Variants in PRKCZ observed in about 807,000 individuals in gnomAD.
PRKCZ encodes the protein protein kinase C zeta, also known as protein kinase C zeta type.
In PRKCZ, 33 loss-of-function variants were observed where a neutral mutation model predicts 79.5. The ratio of observed to expected loss-of-function variants is 0.41; its 90% confidence interval spans 0.31 to 0.55. The LOEUF (loss-of-function observed/expected upper bound fraction) is 0.55. Among genes scored for constraint, PRKCZ ranks in the 20% least tolerant of loss-of-function variants. The pLI, the probability that PRKCZ is intolerant of heterozygous loss-of-function variation, is 0.19. For synonymous variants in PRKCZ, 342 were observed against 320.9 expected, an observed-to-expected ratio of 1.07 and a Z score of -0.70; for missense variants, 578 against 813.5, an observed-to-expected ratio of 0.71 and a Z score of 3.52.
chr1:2,061,658 G>A (rs1195543064), intron 4 of PRKCZ, among the ~76,000 whole-genome samples: 1 of 152,182 alleles, frequency 6.6e-6, no homozygotes, highest in Non-Finnish European at 1.5e-5. Context: ...GTCAGAGGCG[G>A]GTGCTGGGGG....
At position 2,091,533 on chromosome 1, in the gene PRKCZ, C is replaced by T. The variant is rs146154450; in HGVS notation, c.334+31942C>T. On this transcript the variant is annotated intron_variant, in intron 4 of 17. Coordinates refer to ENST00000378567, the MANE Select transcript of PRKCZ (RefSeq NM_002744.6). ...GTCTCGCCGTCCTCGCTGACACTCC[C>T]GACTTTCTGTTCCTGGCCGTCCTCT... Among the ~76,000 whole-genome samples the T allele has an allele frequency of 3.8e-3, 585 of 152,274 alleles. 3 individuals are homozygous for T. The highest frequency in any genetic ancestry group is 0.014 in the African/African-American group (566 of 41,552).
chr1:2,050,656 T>C lies in PRKCZ; in HGVS notation c.26T>C (p.Met9Thr), dbSNP rs1341708723. ...ATGCCCAGCAGGACCGGCCCCAAGA[T>C]GGAAGGGAGCGGCGGCCGCGTCCGC... is the stretch of plus-strand genomic sequence containing the variant. MPSRTGPK[M>T]EGSGGRVRLK... Residue 9 changes from methionine to threonine, a missense_variant, in exon 1 of 18, where the codon ATG becomes ACG. This residue lies in a region of PRKCZ where 228 missense variants were observed against 211.6 expected (regional missense o/e 1.08). Transcript: ENST00000378567. 8.2e-7 allele frequency: 1 copy of C among 1,215,742 alleles called. No homozygotes were observed. The highest frequency in any genetic ancestry group is 1.0e-6 in the Non-Finnish European group (1 of 978,160). The allele number at this position is 1,215,742 out of a possible 1,614,324, so 75.3% of individuals were successfully genotyped here.
intron 16 of PRKCZ, 42 bp from the exon 17 acceptor site, chr1:2,184,541 A>G: frequency 6.7e-7 from 1 of 1,489,288 alleles, no homozygotes; most frequent in Non-Finnish European, 9.3e-7. Flanking sequence ...GGTAGGGATG[A>G]TGCCCGCGCG....
At chr1:2,152,512 A>T (rs1462090144) in intron 9 of PRKCZ, among the ~76,000 whole-genome samples, 13 of 152,220 alleles carry the variant, frequency 8.5e-5, no homozygotes, top group Non-Finnish European at 2.9e-5. Context: ...AGTCTGGGCG[A>T]CCAAATGAGA....
rs149453905 is a variant in PRKCZ, at chr1:2,059,659, C to T, written c.334+68C>T. ...GTTGAACTGTTGATCCGTTGTGCCACGGAGGTGGCAGTGGTGCCGTTTTCG... is the reference window on the plus strand; with the variant it reads ...GTTGAACTGTTGATCCGTTGTGCCATGGAGGTGGCAGTGGTGCCGTTTTCG... On this transcript the variant is annotated intron_variant, in intron 4 of 17. Coordinates refer to ENST00000378567, the MANE Select transcript of PRKCZ (RefSeq NM_002744.6). 1.3e-4 allele frequency: 210 copies of T among 1,597,290 alleles called. No homozygotes were observed. The East Asian group carries it at 4.2e-3, about 32-fold the overall frequency.
At position 2,106,544 on chromosome 1, in the gene PRKCZ, ACACG is replaced by A. The variant is rs1445734400; in HGVS notation, c.335-28717_335-28714del. On this transcript the variant is annotated intron_variant, in intron 4 of 17. Coordinates refer to ENST00000378567, the MANE Select transcript of PRKCZ (RefSeq NM_002744.6). ...GCCCCTCTGGTGGGCGAGGACCTCC[ACACG>A]TGTCACCAGGCCAGGTAACTCTCAG... Among the ~76,000 whole-genome samples, 76 of 43,320 alleles carry A rather than the reference ACACG, an allele frequency of 1.8e-3. 11 individuals carry two copies. The highest frequency in any genetic ancestry group is 9.8e-3 in the East Asian group (15 of 1,528). 28.4% of individuals were successfully genotyped at this position (43,320 alleles called of 152,430 possible).
At chr1:2,146,833 C>T (rs1678642826) in intron 7 of PRKCZ, among the ~76,000 whole-genome samples, 1 of 152,032 alleles carries the variant, frequency 6.6e-6, no homozygotes, top group South Asian at 2.1e-4. Context: ...AACTGCCTGC[C>T]CACCTGCTCC....
chr1:2,110,868 G>A (rs151253846), intron 4 of PRKCZ, among the ~76,000 whole-genome samples: 2,450 of 152,188 alleles, frequency 0.016, 50 homozygotes, highest in African/African-American at 0.048. Flanking sequence ...GGACTCTGTG[G>A]GGCCAGGGTG....
intron 4 of PRKCZ, among the ~76,000 whole-genome samples, chr1:2,069,599 G>A (rs1222620299): frequency 6.6e-6 from 1 of 152,216 alleles, no homozygotes; most frequent in African/African-American, 2.4e-5. Context: ...TGGCAGGGAG[G>A]GAGATGTCAA....
At chr1:2,102,878 C>G (rs559314065) in intron 4 of PRKCZ, among the ~76,000 whole-genome samples, 6 of 151,768 alleles carry the variant, frequency 4.0e-5, no homozygotes, top group African/African-American at 1.2e-4. Context: ...GGCCCCTCCC[C>G]CCGTCTGTCT....
intron 10 of PRKCZ, among the ~76,000 whole-genome samples, chr1:2,166,735 C>T (rs903161533): frequency 2.6e-5 from 4 of 152,114 alleles, no homozygotes; most frequent in African/African-American, 7.2e-5. Context: ...GCACCTTCAG[C>T]CCCCCACCCC....
chr1:2,113,360 G>T (rs1163821333), intron 4 of PRKCZ, among the ~76,000 whole-genome samples: 3 of 152,206 alleles, frequency 2.0e-5, no homozygotes. Flanking sequence ...ATGTGCTCCT[G>T]CTGCTTCTAC....
rs1301497165 is a variant in PRKCZ, at chr1:2,106,608, GT to G, written c.335-28653del. On this transcript the variant is annotated intron_variant, in intron 4 of 17. Coordinates refer to ENST00000378567, the MANE Select transcript of PRKCZ (RefSeq NM_002744.6). The stretch of plus-strand genomic sequence containing the variant: ...CCAGTGGGCGAGGACCTCCACACGT[GT>G]CACCAGGCCAGGTAACTCTCAGCAA... 4.0e-4 allele frequency among the ~76,000 whole-genome samples: 20 copies of G among 49,782 alleles called. 1 individual carries two copies. Among genetic ancestry groups the G allele is most frequent in the South Asian group, 8.3e-4 (1 of 1,208 alleles). The allele number at this position is 49,782 out of a possible 152,430, so 32.7% of individuals were successfully genotyped here. A position where few individuals can be genotyped will look rare whatever the true frequency, so the allele number is the denominator to read the frequency against.
At chr1:2,162,398 C>T (rs968070451) in intron 10 of PRKCZ, among the ~76,000 whole-genome samples, 7 of 152,226 alleles carry the variant, frequency 4.6e-5, no homozygotes, top group Non-Finnish European at 8.8e-5. Context: ...TCCCAAAGTG[C>T]TGGGATTACA....
At chr1:2,071,423 G>T in intron 4 of PRKCZ, 1 of 376,668 alleles carries the variant, frequency 2.7e-6, no homozygotes, top group South Asian at 1.9e-5. Flanking sequence ...GACGCTGCTG[G>T]TGTCCTCCAG....
Position 2,055,513 on chromosome 1 carries a change from T to C in PRKCZ, c.144T>C (p.Cys48=). 6.2e-7 allele frequency: 1 copy of C among 1,614,062 alleles called. No homozygotes were observed. The highest frequency in any genetic ancestry group is 1.1e-5 in the South Asian group (1 of 91,080). Reference sequence around the variant, plus strand: ...TCTGTGAGGAAGTGAGAGACATGTGTCGTCTGCACCAGCAGCACCCGCTCA... The same window carrying C: ...TCTGTGAGGAAGTGAGAGACATGTGCCGTCTGCACCAGCAGCACCCGCTCA... ...EELCEEVRDM[C]RLHQQHPLTL... is the part of the protein sequence containing the mutation. The change falls in exon 2 of 18, where the codon TGT becomes TGC. Residue 48 remains cysteine (C), a synonymous_variant. Transcript: ENST00000378567.
rs532085762 is a variant in PRKCZ at position 2,082,183 on chromosome 1, C to G, written c.334+22592C>G. On this transcript the variant is annotated intron_variant, in intron 4 of 17. Transcript: ENST00000378567. This position sits in a 1 kb window ranked among gnomAD's most constrained non-coding sequence, Gnocchi z 4.4. ...CGCGTCAGACGGGTTCTTTGCAGCC[C>G]TTGGCAGCGTCGCCCGCTCTGTCCC... is the stretch of plus-strand genomic sequence containing the variant. 5.7e-6 allele frequency: 2 copies of G among 348,836 alleles called. No individual in the cohort carries two copies. Among genetic ancestry groups the G allele is most frequent in the East Asian group, 1.5e-4 (2 of 12,916 alleles). 21.6% of individuals were successfully genotyped at this position (348,836 alleles called of 1,614,324 possible).
At chr1:2,057,900 C>A (rs1660326783) in intron 3 of PRKCZ, among the ~76,000 whole-genome samples, 1 of 150,604 alleles carries the variant, frequency 6.6e-6, no homozygotes, top group South Asian at 2.1e-4. Context: ...TGGAGTCTCG[C>A]TCTGTCGCCC....
At chr1:2,088,131 C>A (rs1443033158) in intron 4 of PRKCZ, among the ~76,000 whole-genome samples, 2 of 152,166 alleles carry the variant, frequency 1.3e-5, no homozygotes, top group East Asian at 1.9e-4. Flanking sequence ...GTTTCCCACT[C>A]GTGTAACTTT....
Sources: gnomAD v4.1 joint callset for allele counts (sites outside exome capture counted in the v4.1 genomes callset) on GRCh38, gnomAD v4.1.1 for gene constraint, gnomAD v4.1.1 regional missense constraint, Gnocchi (gnomAD v3.1) non-coding constraint, MANE v1.5 for transcripts, NCBI Gene and HGNC (gene_info 2026-07-23, HGNC 2026-07-21) for gene names.